The following SLC44A5 variants were observed in gnomAD, a reference collection of about 807,000 sequenced individuals.
The protein encoded by SLC44A5 is choline transporter-like protein 5.
Under a neutral mutation model 101.8 loss-of-function variants are expected in SLC44A5, and 57 were observed. That is an observed-to-expected ratio of 0.56 (90% CI 0.45 to 0.70). SLC44A5 has a LOEUF of 0.70. SLC44A5 is among the 30% of genes least tolerant of loss of function. The probability of loss-of-function intolerance (pLI) is 0.00; values close to 1 mark genes in which losing one functional copy is unlikely to be tolerated. For missense variants in SLC44A5, 737 were observed against 853.1 expected, an observed-to-expected ratio of 0.86 and a Z score of 1.70; for synonymous variants, 281 against 290.9, an observed-to-expected ratio of 0.97 and a Z score of 0.35.
chr1:75,347,663 C>A (rs1658346014), intron 3 of SLC44A5, among the ~76,000 whole-genome samples: 1 of 144,184 alleles, frequency 6.9e-6, no homozygotes, highest in Non-Finnish European at 1.5e-5. Flanking sequence ...TCTTCTTTCC[C>A]AGGGCTAAGG....
intron 1 of SLC44A5, among the ~76,000 whole-genome samples, chr1:75,593,510 A>C (rs1674468091): frequency 6.6e-6 from 1 of 152,162 alleles, no homozygotes; most frequent in Non-Finnish European, 1.5e-5. Flanking sequence ...AAAGGAAATC[A>C]GTATATCAAA....
the SLC44A5 span, among the ~76,000 whole-genome samples, chr1:75,690,604 AGT>A: frequency 6.6e-6 from 1 of 152,212 alleles, no homozygotes; most frequent in African/African-American, 2.4e-5. Flanking sequence ...GAAAAACCAT[AGT>A]GTTGGCCAAG....
intron 3 of SLC44A5, among the ~76,000 whole-genome samples, chr1:75,347,682 G>A (rs889699122): frequency 7.7e-5 from 3 of 38,898 alleles, no homozygotes; most frequent in Non-Finnish European, 9.4e-5. Context: ...GGGAGTGGTG[G>A]TGAGTGTGTG....
intron 5 of SLC44A5, among the ~76,000 whole-genome samples, chr1:75,280,165 G>A (rs12038663): frequency 0.024 from 4 of 166 alleles, no homozygotes; most frequent in South Asian, 0.12. Flanking sequence ...ATTATATATT[G>A]TATATATAAT....
chr1:75,476,413 G>A (rs1667404487), intron 2 of SLC44A5, among the ~76,000 whole-genome samples: 1 of 152,148 alleles, frequency 6.6e-6, no homozygotes, highest in Non-Finnish European at 1.5e-5. Flanking sequence ...GACAGTGGGT[G>A]CAGCGCACCG....
chr1:75,519,282 G>T (rs1339496661), intron 2 of SLC44A5, among the ~76,000 whole-genome samples: 1 of 152,142 alleles, frequency 6.6e-6, no homozygotes, highest in East Asian at 1.9e-4. Context: ...TATTGGCGAG[G>T]TGTGGTGGCT....
intron 4 of SLC44A5, among the ~76,000 whole-genome samples, chr1:75,337,418 G>C (rs1296595373): frequency 6.6e-6 from 1 of 152,144 alleles, no homozygotes; most frequent in Non-Finnish European, 1.5e-5. Flanking sequence ...ATTTAGTTAG[G>C]TCTACATTAT....
intron 6 of SLC44A5, among the ~76,000 whole-genome samples, chr1:75,269,967 G>T (rs7540751): frequency 0.78 from 118,104 of 151,966 alleles, 46,155 homozygotes; most frequent in East Asian, 0.95. Flanking sequence ...TCTCACAAGA[G>T]CTGATGGTTT....
chr1:75,413,485 T>G (rs1663415312), intron 2 of SLC44A5, among the ~76,000 whole-genome samples: 1 of 152,120 alleles, frequency 6.6e-6, no homozygotes, highest in African/African-American at 2.4e-5. Flanking sequence ...ATTTGTAGTA[T>G]TATATTATTT....
intron 8 of SLC44A5, 117 bp from the exon 9 acceptor site, chr1:75,242,178 A>ACTT: frequency 1.5e-6 from 1 of 654,642 alleles, no homozygotes; most frequent in Non-Finnish European, 2.6e-6. Context: ...ATTTCAAATT[A>ACTT]CTTCTACTAA....
At chr1:75,303,324 C>T (rs910999757) in intron 4 of SLC44A5, among the ~76,000 whole-genome samples, 1 of 152,184 alleles carries the variant, frequency 6.6e-6, no homozygotes, top group Non-Finnish European at 1.5e-5. Context: ...CAACCTCCGA[C>T]TCCCTGGTTC....
the SLC44A5 span, among the ~76,000 whole-genome samples, chr1:75,684,803 G>C: frequency 6.6e-6 from 1 of 152,168 alleles, no homozygotes; most frequent in Admixed American, 6.5e-5. Context: ...CAAGCTGTCA[G>C]TGGTTCTACC....
intron 2 of SLC44A5, among the ~76,000 whole-genome samples, chr1:75,444,721 G>A (rs1224959553): frequency 6.6e-6 from 1 of 152,072 alleles, no homozygotes. Flanking sequence ...GAGGAAATCA[G>A]ATCCCATGCA....
At chr1:75,221,798 T>A (rs1647087187) in intron 14 of SLC44A5, among the ~76,000 whole-genome samples, 1 of 152,172 alleles carries the variant, frequency 6.6e-6, no homozygotes, top group African/African-American at 2.4e-5. Flanking sequence ...AAACTGCTAA[T>A]ACGTAGACTA....
chr1:75,500,926 CTT>C (rs1277917180), intron 2 of SLC44A5, among the ~76,000 whole-genome samples: 3 of 152,170 alleles, frequency 2.0e-5, no homozygotes, highest in Non-Finnish European at 4.4e-5. Context: ...CTTGAAACCT[CTT>C]TGTTCTCATG....
intron 4 of SLC44A5, among the ~76,000 whole-genome samples, chr1:75,314,787 A>T (rs1380550190): frequency 6.6e-6 from 1 of 152,110 alleles, no homozygotes; most frequent in Non-Finnish European, 1.5e-5. Context: ...TTGATTTTAA[A>T]TTTGGGCAGC....
At chr1:75,388,609 T>A (rs947931787) in intron 3 of SLC44A5, among the ~76,000 whole-genome samples, 7 of 151,986 alleles carry the variant, frequency 4.6e-5, no homozygotes, top group African/African-American at 1.7e-4. Flanking sequence ...TGAAACCCTG[T>A]CTCTACTAAT....
At chr1:75,385,663 A>G (rs1178456883) in intron 3 of SLC44A5, among the ~76,000 whole-genome samples, 2 of 152,198 alleles carry the variant, frequency 1.3e-5, no homozygotes, top group Admixed American at 1.3e-4. Context: ...TTCTGAAATT[A>G]TTCCAATCAA....
chr1:75,401,839 G>A (rs935700099), intron 2 of SLC44A5, among the ~76,000 whole-genome samples: 4 of 152,034 alleles, frequency 2.6e-5, no homozygotes, highest in Admixed American at 1.3e-4. Flanking sequence ...ACAGTATTCT[G>A]GGCATCATGG....
Sources: allele counts gnomAD v4.1 joint callset (sites outside exome capture counted in the v4.1 genomes callset), GRCh38; gene constraint gnomAD v4.1.1; transcripts MANE v1.5; gene names NCBI Gene and HGNC (gene_info 2026-07-23, HGNC 2026-07-21).